The following NMNAT3 variants were observed in gnomAD, a reference collection of about 807,000 sequenced individuals.
NMNAT3 encodes nicotinamide nucleotide adenylyltransferase 3, also known as nicotinamide/nicotinic acid mononucleotide adenylyltransferase 3.
Under a neutral mutation model 24.8 loss-of-function variants are expected in NMNAT3, and 21 were observed. The observed-to-expected ratio is 0.85, with a 90% CI of 0.60 to 1.22. The LOEUF (loss-of-function observed/expected upper bound fraction) is 1.22. Ranked by LOEUF, NMNAT3 falls within the 50% of genes most tolerant of loss-of-function variation. NMNAT3 has a pLI of 0.00. For missense variants in NMNAT3, 387 were observed against 436.6 expected, an observed-to-expected ratio of 0.89 and a Z score of 1.01; for synonymous variants, 136 against 155.2, an observed-to-expected ratio of 0.88 and a Z score of 0.92.
intron 3 of NMNAT3, chr3:139,583,235 T>G (rs2053749116): frequency 8.3e-7 from 1 of 1,211,704 alleles, no homozygotes; most frequent in South Asian, 1.2e-5. Context: ...CGTGTAAATG[T>G]TTGCAAATTC....
chr3:139,603,641 C>T (rs1178816091), intron 3 of NMNAT3, among the ~76,000 whole-genome samples: 2 of 152,110 alleles, frequency 1.3e-5, no homozygotes, highest in African/African-American at 2.4e-5. Flanking sequence ...ACTGCCATCA[C>T]GGTCACTATG....
intron 6 of NMNAT3, chr3:139,572,106 C>T (rs1938471895): frequency 5.0e-6 from 2 of 398,862 alleles, no homozygotes; most frequent in South Asian, 1.3e-4. Context: ...CCTGGACTCA[C>T]CTCCATTCAT....
intron 5 of NMNAT3, among the ~76,000 whole-genome samples, chr3:139,578,075 G>A (rs1484968088): frequency 6.6e-6 from 1 of 152,154 alleles, no homozygotes; most frequent in Non-Finnish European, 1.5e-5. Context: ...CCTTCCAGCA[G>A]AGCTGGTTGT....
intron 5 of NMNAT3, among the ~76,000 whole-genome samples, chr3:139,578,536 A>G (rs1190857304): frequency 6.6e-6 from 1 of 152,202 alleles, no homozygotes; most frequent in Non-Finnish European, 1.5e-5. Context: ...GCAAGTGAGA[A>G]ATATGTCTCA....
chr3:139,566,772 A>G (rs1404162336), intron 6 of NMNAT3: 2 of 152,286 alleles, frequency 1.3e-5, no homozygotes, highest in Non-Finnish European at 1.5e-5. Flanking sequence ...GTAGCCTTGT[A>G]GTATAGTTTG....
chr3:139,659,790 G>C (rs1464778329), intron 1 of NMNAT3, among the ~76,000 whole-genome samples: 8 of 152,222 alleles, frequency 5.3e-5, no homozygotes, highest in Admixed American at 4.6e-4. Context: ...TCCAGTCATC[G>C]ATAGTCTTTA....
intron 3 of NMNAT3, among the ~76,000 whole-genome samples, chr3:139,601,078 C>G (rs2108218092): frequency 6.6e-6 from 1 of 152,300 alleles, no homozygotes; most frequent in East Asian, 1.9e-4. Flanking sequence ...AGGGAGCAGG[C>G]AGTGAGGACA....
intron 1 of NMNAT3, among the ~76,000 whole-genome samples, chr3:139,670,634 G>T (rs997503529): frequency 6.6e-6 from 1 of 152,170 alleles, no homozygotes; most frequent in East Asian, 1.9e-4. Context: ...CGGATATAAC[G>T]CCATCACAGT....
chr3:139,646,436 A>G (rs1343008722), intron 1 of NMNAT3, among the ~76,000 whole-genome samples: 1 of 152,194 alleles, frequency 6.6e-6, no homozygotes, highest in East Asian at 1.9e-4. Flanking sequence ...CCCCTGTTTC[A>G]GGTGGGGCAG....
At chr3:139,649,342 C>A (rs1352875018) in intron 1 of NMNAT3, among the ~76,000 whole-genome samples, 1 of 151,628 alleles carries the variant, frequency 6.6e-6, no homozygotes. Flanking sequence ...AACAAACAAA[C>A]AAACAAAAAA....
intron 1 of NMNAT3, among the ~76,000 whole-genome samples, chr3:139,639,437 T>C (rs147711903): frequency 1.0e-3 from 159 of 152,350 alleles, no homozygotes; most frequent in African/African-American, 3.7e-3. Flanking sequence ...AGACTGATAT[T>C]GTCTCCTGCT....
At position 139,561,135 on chromosome 3, in the gene NMNAT3, C is replaced by A; in HGVS notation, c.916G>T (p.Gly306Trp). The stretch of plus-strand genomic sequence containing the variant: ...GGAATCAGGTACTTTACGCTCTGCC[C>A]TTGGCCCAAGGCTCGCCTGATGTAT... The change falls in exon 7 of 7, where the codon GGG becomes TGG. Residue 306 changes from glycine (G) to tryptophan (W), a missense_variant. Around this residue, in one of 3 missense-constraint regions of NMNAT3, gnomAD observed 323 missense variants for 345.2 expected, o/e 0.94. Transcript: ENST00000643695. 6.2e-7 allele frequency: 1 copy of A among 1,614,158 alleles called. No homozygotes were observed. The highest frequency in any genetic ancestry group is 1.1e-5 in the South Asian group (1 of 91,074).
intron 3 of NMNAT3, among the ~76,000 whole-genome samples, chr3:139,592,484 C>T (rs1003859141): frequency 4.6e-5 from 7 of 152,180 alleles, no homozygotes; most frequent in South Asian, 2.1e-4. Context: ...CAAAGATACT[C>T]CTCGAGAAGA....
chr3:139,611,125 G>A (rs1024212219), intron 3 of NMNAT3, among the ~76,000 whole-genome samples: 5 of 152,150 alleles, frequency 3.3e-5, no homozygotes, highest in Non-Finnish European at 5.9e-5. Flanking sequence ...CCACAAGCAC[G>A]TGGGGCAGGA....
rs977169199 is a variant in NMNAT3 at position 139,677,885 on chromosome 3, G to C, written c.-321C>G. 2.0e-5 allele frequency: 3 copies of C among 152,242 alleles called. No individual in the cohort carries two copies. Among genetic ancestry groups the C allele is most frequent in the African/African-American group, 7.2e-5 (3 of 41,452 alleles). 9.4% of individuals were successfully genotyped at this position (152,242 alleles called of 1,614,324 possible). A position where few individuals can be genotyped will look rare whatever the true frequency, so the allele number is the denominator to read the frequency against. On this transcript the variant is annotated 5_prime_UTR_variant, in exon 1 of 7. Transcript: ENST00000643695. ...CTGCCTCCGGCCCGGGCAGCCTCAG[G>C]TCTAGATCCCCTAGTACCTGAGCTG...
chr3:139,665,156 G>A (rs548572869), intron 1 of NMNAT3, among the ~76,000 whole-genome samples: 1 of 152,282 alleles, frequency 6.6e-6, no homozygotes, highest in South Asian at 2.1e-4. Context: ...TAGGCTTCAG[G>A]CTGGAGTCTT....
At chr3:139,645,720 G>C (rs2056849126) in intron 1 of NMNAT3, among the ~76,000 whole-genome samples, 1 of 152,132 alleles carries the variant, frequency 6.6e-6, no homozygotes, top group Non-Finnish European at 1.5e-5. Flanking sequence ...ACTGTAACAA[G>C]GCAAACTATC....
intron 3 of NMNAT3, among the ~76,000 whole-genome samples, chr3:139,603,643 G>A (rs915286855): frequency 4.0e-5 from 6 of 151,712 alleles, no homozygotes; most frequent in South Asian, 2.1e-4. Context: ...TGCCATCACG[G>A]TCACTATGAC....
At chr3:139,588,952 C>T (rs1299725954) in intron 3 of NMNAT3, among the ~76,000 whole-genome samples, 2 of 152,288 alleles carry the variant, frequency 1.3e-5, no homozygotes, top group Admixed American at 6.5e-5. Flanking sequence ...ACCATATAAC[C>T]ATGAGGTCTA....
Sources: gnomAD v4.1 joint callset for allele counts (sites outside exome capture counted in the v4.1 genomes callset) on GRCh38, gnomAD v4.1.1 for gene constraint, gnomAD v4.1.1 regional missense constraint, MANE v1.5 for transcripts, NCBI Gene and HGNC (gene_info 2026-07-23, HGNC 2026-07-21) for gene names.